Variants in PLCL2 observed in about 807,000 individuals in gnomAD.
The protein encoded by PLCL2 is inactive phospholipase C-like protein 2.
PLCL2 carries 4 observed loss-of-function variants against 79.6 expected under a neutral mutation model. The ratio of observed to expected loss-of-function variants is 0.05; its 90% CI spans 0.02 to 0.11. The LOEUF is 0.11. Among genes scored for constraint, PLCL2 ranks in the 10% least tolerant of loss-of-function variants. PLCL2 has a pLI of 1.00. For missense variants in PLCL2, 895 were observed against 1,291.0 expected, an observed-to-expected ratio of 0.69 and a Z score of 4.70; for synonymous variants, 484 against 457.7, an observed-to-expected ratio of 1.06 and a Z score of -0.73.
chr3:16,907,013 T>C (rs949318779), intron 1 of PLCL2, among the ~76,000 whole-genome samples: 1 of 152,214 alleles, frequency 6.6e-6, no homozygotes, highest in African/African-American at 2.4e-5. Context: ...CCTGTTTCCT[T>C]TCTTTAGCAA....
chr3:17,081,130 G>C (rs1271909181), intron 5 of PLCL2: 2 of 455,984 alleles, frequency 4.4e-6, no homozygotes, highest in Non-Finnish European at 8.8e-6. Flanking sequence ...TTGTGGAGCA[G>C]GTGGTATCAG....
intron 1 of PLCL2, among the ~76,000 whole-genome samples, chr3:16,997,962 G>A (rs113040982): frequency 0.011 from 1,746 of 152,150 alleles, 38 homozygotes; most frequent in African/African-American, 0.039. Context: ...TTGTCAGTGG[G>A]GCAATTCTCC....
chr3:16,984,195 A>G (rs2064026538), intron 1 of PLCL2, among the ~76,000 whole-genome samples: 1 of 151,938 alleles, frequency 6.6e-6, no homozygotes, highest in South Asian at 2.1e-4. Flanking sequence ...GAAATGAGGA[A>G]TAGCCTAAAC....
At chr3:17,082,364 T>C (rs961101601) in intron 5 of PLCL2, among the ~76,000 whole-genome samples, 9 of 151,990 alleles carry the variant, frequency 5.9e-5, no homozygotes, top group African/African-American at 2.2e-4. Flanking sequence ...ACTCCTGACC[T>C]GAGGTGATCC....
At chr3:16,948,256 A>G (rs1385632159) in intron 1 of PLCL2, among the ~76,000 whole-genome samples, 1 of 152,192 alleles carries the variant, frequency 6.6e-6, no homozygotes, top group East Asian at 1.9e-4. Context: ...AAAAGAAGCC[A>G]GACACAAAAG....
chr3:17,032,447 C>T (rs1454032614), intron 3 of PLCL2, among the ~76,000 whole-genome samples: 1 of 152,124 alleles, frequency 6.6e-6, no homozygotes, highest in Non-Finnish European at 1.5e-5. Flanking sequence ...TTTTGATTCC[C>T]CTAAGCTCTG....
chr3:16,948,224 C>T (rs1446720440), intron 1 of PLCL2, among the ~76,000 whole-genome samples: 3 of 152,064 alleles, frequency 2.0e-5, no homozygotes. Context: ...AGTGGTTAAA[C>T]CTTGAAAACA....
At chr3:17,018,715 G>T (rs898665842) in intron 3 of PLCL2, among the ~76,000 whole-genome samples, 6 of 152,078 alleles carry the variant, frequency 3.9e-5, no homozygotes, top group Non-Finnish European at 7.4e-5. Context: ...TGTCACGTTT[G>T]GTTGTTTTGA....
chr3:17,078,884 A>G (rs1391797626), intron 5 of PLCL2, among the ~76,000 whole-genome samples: 3 of 152,200 alleles, frequency 2.0e-5, no homozygotes, highest in African/African-American at 7.2e-5. Flanking sequence ...CTGAAAAGCT[A>G]TAATTGACTG....
chr3:16,974,330 G>A (rs1173887108), intron 1 of PLCL2, among the ~76,000 whole-genome samples: 1 of 152,176 alleles, frequency 6.6e-6, no homozygotes, highest in African/African-American at 2.4e-5. Flanking sequence ...CAAGCTAGGA[G>A]GCCATTGGAT....
At chr3:16,909,981 G>A (rs1032376570) in intron 1 of PLCL2, among the ~76,000 whole-genome samples, 14 of 151,944 alleles carry the variant, frequency 9.2e-5, no homozygotes, top group Non-Finnish European at 1.5e-4. Context: ...AGATGAACTC[G>A]CCTGGATCCT....
At chr3:16,908,272 G>T (rs557079128) in intron 1 of PLCL2, among the ~76,000 whole-genome samples, 1 of 152,044 alleles carries the variant, frequency 6.6e-6, no homozygotes, top group South Asian at 2.1e-4. Context: ...TCCAGACACC[G>T]TATTATCCAT....
chr3:17,079,254 G>A (rs1230874606), intron 5 of PLCL2, among the ~76,000 whole-genome samples: 1 of 152,032 alleles, frequency 6.6e-6, no homozygotes, highest in East Asian at 1.9e-4. Flanking sequence ...CTCTGGCCCT[G>A]GTCCCTGCCT....
chr3:17,036,287 G>A (rs911867959), intron 3 of PLCL2, among the ~76,000 whole-genome samples: 7 of 152,278 alleles, frequency 4.6e-5, no homozygotes, highest in South Asian at 2.1e-4. Context: ...CAGTATTTCA[G>A]TGTAAATTTG....
intron 1 of PLCL2, 29 bp downstream of exon 1, chr3:16,885,395 A>G: frequency 1.8e-6 from 1 of 570,850 alleles, no homozygotes; most frequent in Admixed American, 3.4e-5. Context: ...CTCATCGCCC[A>G]CCCTCAGCCG....
rs115126082 is a variant in PLCL2 at position 17,014,963 on chromosome 3, G to C, written c.3018+52G>C. ...AGCCTGGGTGAGAGAGATATCCTAA[G>C]ACAACACAGCAGACATACTTTGGAG... On this transcript the variant is annotated intron_variant, in intron 3 of 5. Transcript: ENST00000615277. 23 of 1,413,410 alleles carry C rather than the reference G, an allele frequency of 1.6e-5. No individual in the cohort carries two copies. The East Asian group carries it at 5.0e-4, about 31-fold the overall frequency. The allele number at this position is 1,413,410 out of a possible 1,614,324, so 87.6% of individuals were successfully genotyped here.
At chr3:16,899,015 CGT>C (rs1490114560) in intron 1 of PLCL2, among the ~76,000 whole-genome samples, 2 of 152,146 alleles carry the variant, frequency 1.3e-5, no homozygotes, top group Non-Finnish European at 2.9e-5. Flanking sequence ...TGTGCTGGGG[CGT>C]GTTTGTCAGG....
intron 1 of PLCL2, among the ~76,000 whole-genome samples, chr3:16,941,586 G>A (rs141184846): frequency 6.6e-6 from 1 of 152,110 alleles, no homozygotes; most frequent in Non-Finnish European, 1.5e-5. Context: ...TTTTTGCCTC[G>A]AAGCCTCATG....
intron 3 of PLCL2, among the ~76,000 whole-genome samples, chr3:17,017,540 G>A (rs1434698765): frequency 2.0e-5 from 3 of 152,118 alleles, no homozygotes; most frequent in African/African-American, 4.8e-5. Context: ...CGGACAGCCC[G>A]TAACTCTAAA....
Sources: gnomAD v4.1 joint callset for allele counts (sites outside exome capture counted in the v4.1 genomes callset) on GRCh38, gnomAD v4.1.1 for gene constraint, MANE v1.5 for transcripts, NCBI Gene and HGNC (gene_info 2026-07-23, HGNC 2026-07-21) for gene names.